Variants in LRP1B observed in about 807,000 individuals in gnomAD.
The protein encoded by LRP1B is low-density lipoprotein receptor-related protein 1B.
LRP1B carries 217 observed loss-of-function variants against 556.6 expected under a neutral mutation model. The ratio of observed to expected loss-of-function variants is 0.39; its 90% CI spans 0.35 to 0.44. The LOEUF (loss-of-function observed/expected upper bound fraction) is 0.44. LRP1B is among the 20% of genes least tolerant of loss of function. The probability of loss-of-function intolerance (pLI) is 1.00; values close to 1 mark genes in which losing one functional copy is unlikely to be tolerated. For missense variants in LRP1B, 5,053 were observed against 5,620.8 expected, an observed-to-expected ratio of 0.90 and a Z score of 3.23; for synonymous variants, 2,047 against 1,865.8, an observed-to-expected ratio of 1.10 and a Z score of -2.50.
chr2:140,863,022 A>AT (rs1221783854), intron 27 of LRP1B, among the ~76,000 whole-genome samples: 1 of 152,046 alleles, frequency 6.6e-6, no homozygotes, highest in African/African-American at 2.4e-5. Flanking sequence ...AGGCCTTCAG[A>AT]TTTGGATTGA....
At chr2:140,451,400 G>A (rs983580308) in intron 62 of LRP1B, among the ~76,000 whole-genome samples, 1 of 152,200 alleles carries the variant, frequency 6.6e-6, no homozygotes, top group East Asian at 1.9e-4. Flanking sequence ...ATCAGGAAGA[G>A]ATATCCAGTT....
At chr2:142,019,802 G>A (rs1703276609) in intron 1 of LRP1B, among the ~76,000 whole-genome samples, 2 of 152,072 alleles carry the variant, frequency 1.3e-5, no homozygotes, top group African/African-American at 4.8e-5. Flanking sequence ...CCCATCTCAG[G>A]ACCTCTTCCC....
intron 2 of LRP1B, among the ~76,000 whole-genome samples, chr2:141,580,870 A>T (rs1479329534): frequency 1.3e-5 from 2 of 152,228 alleles, no homozygotes; most frequent in African/African-American, 4.8e-5. Flanking sequence ...AAATGGGAGA[A>T]GGCAGTAATT....
At chr2:141,140,879 T>C (rs1645546155) in intron 7 of LRP1B, among the ~76,000 whole-genome samples, 1 of 152,086 alleles carries the variant, frequency 6.6e-6, no homozygotes, top group South Asian at 2.1e-4. Flanking sequence ...TACATAATTA[T>C]AAATAAGCAC....
chr2:140,446,826 G>A (rs952518508), intron 63 of LRP1B, among the ~76,000 whole-genome samples: 2 of 151,734 alleles, frequency 1.3e-5, no homozygotes, highest in African/African-American at 4.8e-5. Flanking sequence ...ACAGACAAAT[G>A]GAATTACATC....
intron 32 of LRP1B, among the ~76,000 whole-genome samples, chr2:140,788,596 C>T (rs998342904): frequency 3.9e-5 from 6 of 152,124 alleles, no homozygotes; most frequent in African/African-American, 9.7e-5. Context: ...TAACAACCGA[C>T]ATTAAGAATG....
At chr2:140,372,886 C>A in intron 69 of LRP1B, 122 bp downstream of exon 69, 2 of 1,015,540 alleles carry the variant, frequency 2.0e-6, no homozygotes, top group South Asian at 1.4e-5. Context: ...ATTTGCAGAC[C>A]CTTTCTTAAA....
chr2:140,452,837 A>AT (rs570783133), intron 62 of LRP1B, among the ~76,000 whole-genome samples: 19 of 151,804 alleles, frequency 1.3e-4, no homozygotes, highest in African/African-American at 3.6e-4. Flanking sequence ...ATGAGTGTGA[A>AT]TTTTTTCTCC....
intron 11 of LRP1B, among the ~76,000 whole-genome samples, chr2:141,026,749 G>GGTACCTATGTAAGA (rs1463437623): frequency 5.9e-5 from 9 of 151,934 alleles, no homozygotes; most frequent in African/African-American, 2.2e-4. Flanking sequence ...AACCCTCCTG[G>GGTACCTATGTAAGA]GTACATAGGT....
chr2:141,186,089 A>AAAC (rs1265040174), intron 7 of LRP1B, among the ~76,000 whole-genome samples: 6 of 151,152 alleles, frequency 4.0e-5, no homozygotes, highest in Admixed American at 3.3e-4. Context: ...AAAAAAAAAA[A>AAAC]AAAAAAAAAA....
At chr2:140,901,520 G>T (rs1209080782) in intron 23 of LRP1B, among the ~76,000 whole-genome samples, 1 of 152,084 alleles carries the variant, frequency 6.6e-6, no homozygotes, top group Non-Finnish European at 1.5e-5. Context: ...AATCACATCA[G>T]GGTAAATGGG....
At chr2:141,698,243 A>G (rs563984825) in intron 2 of LRP1B, among the ~76,000 whole-genome samples, 1 of 151,954 alleles carries the variant, frequency 6.6e-6, no homozygotes, top group Non-Finnish European at 1.5e-5. Context: ...CTGGAAAAAC[A>G]GTTGTGAGCA....
At chr2:141,950,706 T>C (rs781269321) in intron 1 of LRP1B, among the ~76,000 whole-genome samples, 1 of 152,146 alleles carries the variant, frequency 6.6e-6, no homozygotes, top group Non-Finnish European at 1.5e-5. Context: ...AATAACCTTG[T>C]CTTCTTCAGT....
At chr2:141,623,974 C>A (rs1424742778) in intron 2 of LRP1B, among the ~76,000 whole-genome samples, 23 of 131,052 alleles carry the variant, frequency 1.8e-4, no homozygotes, top group Non-Finnish European at 1.1e-4. Context: ...GAGATCGCAC[C>A]ACCGCACTCT....
At chr2:141,421,199 T>G (rs760121323) in intron 3 of LRP1B, among the ~76,000 whole-genome samples, 5 of 152,210 alleles carry the variant, frequency 3.3e-5, no homozygotes, top group Admixed American at 6.5e-5. Context: ...TCTGGAGTTT[T>G]AATTTTTTAA....
intron 1 of LRP1B, among the ~76,000 whole-genome samples, chr2:141,963,190 C>G (rs1363430909): frequency 6.6e-5 from 10 of 151,834 alleles, no homozygotes; most frequent in Admixed American, 1.3e-4. Flanking sequence ...GAATAGAATA[C>G]TTTTCCTCCT....
At chr2:140,934,890 G>A (rs946330387) in intron 20 of LRP1B, among the ~76,000 whole-genome samples, 9 of 152,166 alleles carry the variant, frequency 5.9e-5, no homozygotes, top group Non-Finnish European at 1.2e-4. Context: ...TAAAAGACTA[G>A]GATGTTCAAA....
rs530104450 is a variant in LRP1B, at chr2:140,535,675, A to C, written c.7642+906T>G. Among the ~76,000 whole-genome samples, 4 of 152,300 alleles carry C rather than the reference A, an allele frequency of 2.6e-5. No individual in the cohort carries two copies. The East Asian group carries it at 7.7e-4, about 29-fold the overall frequency. ...GGATTTCTAGGATTAAAAATAAATC[A>C]GGACAATTTTTTAAAAATCTGGATC... On this transcript the variant is annotated intron_variant, in intron 46 of 90. Coordinates refer to ENST00000389484, the MANE Select transcript of LRP1B (RefSeq NM_018557.3).
At chr2:141,752,835 T>C (rs529756688) in intron 2 of LRP1B, among the ~76,000 whole-genome samples, 1 of 149,384 alleles carries the variant, frequency 6.7e-6, no homozygotes, top group South Asian at 2.1e-4. Flanking sequence ...TGCGACTTGC[T>C]TGGGAGGCTG....
Sources: gnomAD v4.1 joint callset for allele counts (sites outside exome capture counted in the v4.1 genomes callset) on GRCh38, gnomAD v4.1.1 for gene constraint, MANE v1.5 for transcripts, NCBI Gene and HGNC (gene_info 2026-07-23, HGNC 2026-07-21) for gene names.